ESRRB: variants seen among roughly 807,000 people sequenced by gnomAD.
ESRRB encodes estrogen related receptor beta.
A neutral mutation model predicts 46.0 loss-of-function variants in ESRRB; 16 were observed. The ratio of observed to expected loss-of-function variants is 0.35; its 90% CI spans 0.24 to 0.53. The LOEUF (loss-of-function observed/expected upper bound fraction) is 0.53, where lower values mean the gene tolerates loss of function less well. Ranked by LOEUF, ESRRB falls within the 20% of genes least tolerant of loss-of-function variation. ESRRB has a pLI of 0.93. For synonymous variants in ESRRB, 246 were observed against 259.6 expected, an observed-to-expected ratio of 0.95 and a Z score of 0.50; for missense variants, 488 against 607.4, an observed-to-expected ratio of 0.80 and a Z score of 2.07.
chr14:76,401,000 C>T (rs1290793608), intron 1 of ESRRB, among the ~76,000 whole-genome samples: 1 of 152,172 alleles, frequency 6.6e-6, no homozygotes, highest in Non-Finnish European at 1.5e-5. Context: ...TTGCCAGACA[C>T]ATGTGTGAGA....
chr14:76,353,892 G>T (rs1273904154), intron 1 of ESRRB, among the ~76,000 whole-genome samples: 1 of 152,134 alleles, frequency 6.6e-6, no homozygotes, highest in African/African-American at 2.4e-5. Context: ...AGCCCAGGAA[G>T]CTGAGGCTGC....
chr14:76,322,685 T>G (rs1367882532), intron 1 of ESRRB, among the ~76,000 whole-genome samples: 1 of 152,188 alleles, frequency 6.6e-6, no homozygotes, highest in Admixed American at 6.5e-5. Context: ...TCCCTCCATG[T>G]GGGCTGTCCC....
chr14:76,354,036 T>G (rs555414965), intron 1 of ESRRB, among the ~76,000 whole-genome samples: 4 of 152,120 alleles, frequency 2.6e-5, no homozygotes, highest in African/African-American at 9.7e-5. Flanking sequence ...GCAGCCTGAC[T>G]CCAAGCCTAT....
chr14:76,364,097 T>C (rs1439294649), intron 1 of ESRRB, among the ~76,000 whole-genome samples: 2 of 152,150 alleles, frequency 1.3e-5, no homozygotes, highest in African/African-American at 4.8e-5. Context: ...CCCCTGGTCA[T>C]TGAGTCTGAG....
At chr14:76,420,824 T>C (rs1886924750) in intron 1 of ESRRB, among the ~76,000 whole-genome samples, 1 of 151,934 alleles carries the variant, frequency 6.6e-6, no homozygotes, top group Non-Finnish European at 1.5e-5. Flanking sequence ...CACCTCAAAG[T>C]TTCTAAATTC....
At chr14:76,451,807 T>A (rs11845603) in intron 2 of ESRRB, among the ~76,000 whole-genome samples, 21,903 of 149,310 alleles carry the variant, frequency 0.15, 2,498 homozygotes, top group African/African-American at 0.33. Context: ...TTTTTTTTTT[T>A]TTTTTAGTAA....
chr14:76,466,785 G>A (rs1393512769), intron 3 of ESRRB, among the ~76,000 whole-genome samples: 2 of 151,680 alleles, frequency 1.3e-5, no homozygotes, highest in Non-Finnish European at 2.9e-5. Flanking sequence ...GTGCAGTGGC[G>A]CGATCTAGGC....
At chr14:76,443,149 A>T (rs1398860080) in intron 2 of ESRRB, among the ~76,000 whole-genome samples, 1 of 152,162 alleles carries the variant, frequency 6.6e-6, no homozygotes, top group Non-Finnish European at 1.5e-5. Flanking sequence ...GAGCCCTTTT[A>T]AAAAAATAAA....
At chr14:76,363,605 A>G (rs941550431) in intron 1 of ESRRB, among the ~76,000 whole-genome samples, 9 of 152,180 alleles carry the variant, frequency 5.9e-5, no homozygotes, top group Non-Finnish European at 1.3e-4. Flanking sequence ...GAACTTTTCT[A>G]CTGGGAATGG....
intron 1 of ESRRB, among the ~76,000 whole-genome samples, chr14:76,424,810 C>T (rs767239265): frequency 3.3e-5 from 5 of 152,168 alleles, no homozygotes; most frequent in Admixed American, 6.5e-5. Flanking sequence ...AATCTTGGCT[C>T]ACTGCAACCT....
At chr14:76,445,566 A>G (rs1888107606) in intron 2 of ESRRB, among the ~76,000 whole-genome samples, 2 of 151,858 alleles carry the variant, frequency 1.3e-5, no homozygotes, top group Admixed American at 6.6e-5. Context: ...TCCTTAGATC[A>G]CTTCCTTCTG....
intron 3 of ESRRB, among the ~76,000 whole-genome samples, chr14:76,466,725 T>TG (rs1324363365): frequency 7.4e-6 from 1 of 135,898 alleles, no homozygotes; most frequent in African/African-American, 2.7e-5. Context: ...AATTTTTTTT[T>TG]TTTCTTTTGA....
intron 3 of ESRRB, among the ~76,000 whole-genome samples, chr14:76,473,839 G>A (rs944459547): frequency 6.6e-6 from 1 of 152,238 alleles, no homozygotes; most frequent in African/African-American, 2.4e-5. Flanking sequence ...GCAGTGGATT[G>A]GAGAGGCCAG....
intron 2 of ESRRB, among the ~76,000 whole-genome samples, chr14:76,444,339 T>C (rs908684207): frequency 6.6e-6 from 1 of 152,122 alleles, no homozygotes; most frequent in Non-Finnish European, 1.5e-5. Context: ...AGCCAGATTT[T>C]GTTGTTTCTA....
chr14:76,490,902 G>A, intron 5 of ESRRB, among the ~76,000 whole-genome samples: 1 of 152,172 alleles, frequency 6.6e-6, no homozygotes, highest in East Asian at 1.9e-4. Context: ...GGTCACTGGG[G>A]CCTTCCCCTG....
intron 2 of ESRRB, among the ~76,000 whole-genome samples, chr14:76,450,532 T>G (rs992053904): frequency 6.6e-6 from 1 of 152,118 alleles, no homozygotes; most frequent in African/African-American, 2.4e-5. Flanking sequence ...TTTTGAGCAA[T>G]TCCTGGGTCT....
At chr14:76,340,786 C>T (rs555666207) in intron 1 of ESRRB, among the ~76,000 whole-genome samples, 58 of 152,272 alleles carry the variant, frequency 3.8e-4, no homozygotes, top group South Asian at 1.0e-3. Context: ...AGACAAGGCA[C>T]AATGCAGCAG....
At chr14:76,449,659 T>C (rs1423482129) in intron 2 of ESRRB, among the ~76,000 whole-genome samples, 2 of 152,102 alleles carry the variant, frequency 1.3e-5, no homozygotes, top group East Asian at 1.9e-4. Flanking sequence ...TTCCCAAATT[T>C]TAGATTGTTG....
chr14:76,342,718 T>C (rs1414559071), intron 1 of ESRRB, among the ~76,000 whole-genome samples: 3 of 152,248 alleles, frequency 2.0e-5, no homozygotes, highest in Admixed American at 2.0e-4. Flanking sequence ...GGTTGTTGGA[T>C]GTTGACCACT....
Sources: gnomAD v4.1 joint callset for allele counts (sites outside exome capture counted in the v4.1 genomes callset) on GRCh38, gnomAD v4.1.1 for gene constraint, MANE v1.5 for transcripts, NCBI Gene and HGNC (gene_info 2026-07-23, HGNC 2026-07-21) for gene names.